The following OXR1 variants were observed in gnomAD, a reference collection of about 807,000 sequenced individuals.
OXR1 encodes the protein oxidation resistance 1.
OXR1 carries 41 observed loss-of-function variants against 104.6 expected under a neutral mutation model. That is an observed-to-expected ratio of 0.39 (90% confidence interval 0.31 to 0.51). The LOEUF (loss-of-function observed/expected upper bound fraction) is 0.51, where lower values mean the gene tolerates loss of function less well. Ranked by LOEUF, OXR1 falls within the 20% of genes least tolerant of loss-of-function variation. OXR1 has a pLI of 0.77. For missense variants in OXR1, 955 were observed against 1,031.9 expected (o/e 0.93, Z 1.02); for synonymous variants, 348 against 348.4 (o/e 1.00, Z 0.01).
chr8:106,642,746 C>T (rs144535195), intron 3 of OXR1, among the ~76,000 whole-genome samples: 1 of 152,336 alleles, frequency 6.6e-6, no homozygotes, highest in African/African-American at 2.4e-5. Flanking sequence ...TGCCAGAAAA[C>T]TGTAGTTAGG....
chr8:106,600,535 T>C (rs1166567203), intron 3 of OXR1, among the ~76,000 whole-genome samples: 1 of 152,192 alleles, frequency 6.6e-6, no homozygotes. Context: ...TAGTATCTTT[T>C]GTGCTTTAGG....
At chr8:106,573,867 C>T (rs1282162838) in intron 3 of OXR1, among the ~76,000 whole-genome samples, 1 of 152,008 alleles carries the variant, frequency 6.6e-6, no homozygotes, top group Non-Finnish European at 1.5e-5. Flanking sequence ...GAATGTTCTC[C>T]ATCAGTTGAT....
At chr8:106,542,237 G>A (rs1446762923) in intron 3 of OXR1, among the ~76,000 whole-genome samples, 1 of 152,092 alleles carries the variant, frequency 6.6e-6, no homozygotes, top group Admixed American at 6.6e-5. Flanking sequence ...GTTTATACTT[G>A]GAGATTACTA....
chr8:106,480,963 G>A (rs1351088096), intron 2 of OXR1, among the ~76,000 whole-genome samples: 1 of 151,994 alleles, frequency 6.6e-6, no homozygotes, highest in East Asian at 1.9e-4. Flanking sequence ...AGGTCACTGA[G>A]TAAAAATAAA....
In OXR1 at chr8:106,750,968, G is replaced by A. The variant is rs1195464195; in HGVS notation, c.*27G>A. The A allele has an allele frequency of 6.4e-7, 1 of 1,571,218 alleles. No homozygotes were observed. The highest frequency in any genetic ancestry group is 8.6e-7 in the Non-Finnish European group (1 of 1,158,898). On this transcript the variant is annotated 3_prime_UTR_variant, in exon 17 of 17. Coordinates refer to ENST00000517566, the MANE Select transcript of OXR1 (RefSeq NM_001198533.2). ...TAAAATGCTCTCTGTCTTAGCAGGA[G>A]AATGGCCCAAACCTGACATGGACAA...
intron 3 of OXR1, among the ~76,000 whole-genome samples, chr8:106,596,584 T>C (rs575550039): frequency 6.6e-6 from 1 of 152,240 alleles, no homozygotes; most frequent in Non-Finnish European, 1.5e-5. Flanking sequence ...TTAAGAGGGA[T>C]CAAAAATAGA....
intron 1 of OXR1, among the ~76,000 whole-genome samples, chr8:106,283,620 G>T (rs1042435240): frequency 6.6e-6 from 1 of 152,188 alleles, no homozygotes; most frequent in East Asian, 1.9e-4. Context: ...GGAGGTAGTA[G>T]TCAAAGGGCC....
rs5893804 is a variant in OXR1, at chr8:106,752,225, GGT to G, written c.*1287_*1288del. 132,257 of 152,380 alleles carry G rather than the reference GGT, an allele frequency of 0.87. 57,665 individuals carry two copies. Among genetic ancestry groups the G allele is most frequent in the East Asian group, 0.95 (4,942 of 5,188 alleles). The allele number at this position is 152,380 out of a possible 1,614,324, so 9.4% of individuals were successfully genotyped here. On this transcript the variant is annotated 3_prime_UTR_variant, in exon 17 of 17. Coordinates refer to ENST00000517566, the MANE Select transcript of OXR1 (RefSeq NM_001198533.2). The stretch of plus-strand genomic sequence containing the variant: ...TATATCTTGTAAATTAATGTTTAAA[GGT>G]GTAGTTTTGTTCTTACAGAAAGTGT...
In OXR1 at chr8:106,492,373, G is replaced by A. The variant is rs143300046; in HGVS notation, c.24-26570G>A. On this transcript the variant is annotated intron_variant, in intron 2 of 16. Coordinates refer to ENST00000517566, the MANE Select transcript of OXR1 (RefSeq NM_001198533.2). ...TTTAAAAAGAAAGCTAAAACTTCGG[G>A]TAAAGTGTTGTTTTGTGTCCAATAG... Among the ~76,000 whole-genome samples, 1,111 of 152,310 alleles carry A rather than the reference G, an allele frequency of 7.3e-3. 14 individuals are homozygous for A. Among genetic ancestry groups the A allele is most frequent in the African/African-American group, 0.025 (1,048 of 41,568 alleles).
chr8:106,687,458 C>T (rs540524824), intron 6 of OXR1, among the ~76,000 whole-genome samples: 29 of 152,226 alleles, frequency 1.9e-4, no homozygotes, highest in Non-Finnish European at 3.5e-4. Context: ...TAGTGGCTCA[C>T]GCTGGTAATC....
intron 2 of OXR1, among the ~76,000 whole-genome samples, chr8:106,387,050 G>C (rs977417927): frequency 1.3e-5 from 2 of 152,172 alleles, no homozygotes; most frequent in Non-Finnish European, 2.9e-5. Flanking sequence ...GAAAGGACAA[G>C]AGTTAGCAAA....
At chr8:106,553,868 C>A (rs1428073873) in intron 3 of OXR1, among the ~76,000 whole-genome samples, 1 of 152,200 alleles carries the variant, frequency 6.6e-6, no homozygotes. Flanking sequence ...TTACCTTAAG[C>A]TCCCTGATGG....
intron 3 of OXR1, among the ~76,000 whole-genome samples, chr8:106,672,356 G>A (rs182370293): frequency 9.9e-5 from 15 of 151,452 alleles, no homozygotes; most frequent in Middle Eastern, 3.4e-3. Context: ...GGTTGGTGGC[G>A]TGTGCCTGTA....
chr8:106,402,622 C>G (rs1329360355), intron 2 of OXR1, among the ~76,000 whole-genome samples: 1 of 152,142 alleles, frequency 6.6e-6, no homozygotes, highest in Admixed American at 6.6e-5. Flanking sequence ...AGCTCAAAAC[C>G]AGTGTCCAGT....
At chr8:106,510,124 A>G (rs1467812694) in intron 2 of OXR1, among the ~76,000 whole-genome samples, 2 of 152,254 alleles carry the variant, frequency 1.3e-5, no homozygotes, top group Non-Finnish European at 2.9e-5. Flanking sequence ...ATGTGGATGC[A>G]TTAATTTAAT....
chr8:106,588,322 C>T (rs181716272), intron 3 of OXR1, among the ~76,000 whole-genome samples: 43 of 151,544 alleles, frequency 2.8e-4, no homozygotes, highest in Non-Finnish European at 5.4e-4. Context: ...TTCAATATAT[C>T]TCAAAGGACT....
rs10610619 is a variant in OXR1 at position 106,316,691 on chromosome 8, T to TTCTATCTATCTATCTA, written c.-138-42774_-138-42759dup. ...AATGTATTTGTTTTTCTCTCTTTTT[T>TTCTATCTATCTATCTA]TCTATCTATCTATCTATCTATCTAT... On this transcript the variant is annotated intron_variant, in intron 1 of 16. Coordinates refer to ENST00000517566, the MANE Select transcript of OXR1 (RefSeq NM_001198533.2). Among the ~76,000 whole-genome samples, 746 of 132,270 alleles carry TTCTATCTATCTATCTA rather than the reference T, an allele frequency of 5.6e-3. 4 individuals are homozygous for TTCTATCTATCTATCTA. The highest frequency in any genetic ancestry group is 7.2e-3 in the Non-Finnish European group (452 of 62,538). The allele number at this position is 132,270 out of a possible 152,430, so 86.8% of individuals were successfully genotyped here.
intron 3 of OXR1, among the ~76,000 whole-genome samples, chr8:106,569,575 TC>T (rs1817326105): frequency 6.6e-6 from 1 of 152,156 alleles, no homozygotes; most frequent in Admixed American, 6.6e-5. Flanking sequence ...ATATACAAGA[TC>T]CTATAACCCA....
intron 3 of OXR1, among the ~76,000 whole-genome samples, chr8:106,669,658 A>C (rs1356229136): frequency 6.6e-6 from 1 of 152,182 alleles, no homozygotes; most frequent in African/African-American, 2.4e-5. Context: ...TGTTTTAAAT[A>C]GTCAAACTTT....
Sources: gnomAD v4.1 joint callset for allele counts (sites outside exome capture counted in the v4.1 genomes callset) on GRCh38, gnomAD v4.1.1 for gene constraint, MANE v1.5 for transcripts, NCBI Gene and HGNC (gene_info 2026-07-23, HGNC 2026-07-21) for gene names.